GLCCI1: variants seen among roughly 807,000 people sequenced by gnomAD.
GLCCI1 encodes the protein glucocorticoid induced 1, also known as glucocorticoid-induced transcript 1 protein.
Under a neutral mutation model 52.2 loss-of-function variants are expected in GLCCI1, and 24 were observed. That is an observed-to-expected ratio of 0.46 (90% CI 0.33 to 0.65). GLCCI1 has a LOEUF of 0.65. GLCCI1 is among the 30% of genes least tolerant of loss of function. GLCCI1 has a pLI of 0.02. For missense variants in GLCCI1, 704 were observed against 701.5 expected, an observed-to-expected ratio of 1.00 and a Z score of -0.04; for synonymous variants, 310 against 276.5, an observed-to-expected ratio of 1.12 and a Z score of -1.20.
intron 2 of GLCCI1, 159 bp downstream of exon 2, chr7:8,004,218 T>A (rs1207964399): frequency 1.5e-6 from 1 of 659,380 alleles, no homozygotes; most frequent in Non-Finnish European, 2.4e-6. Context: ...TTGCAGTAAT[T>A]GTTTTTTGTC....
intron 4 of GLCCI1, among the ~76,000 whole-genome samples, chr7:8,057,497 C>T (rs1782424480): frequency 6.6e-6 from 1 of 151,982 alleles, no homozygotes; most frequent in Admixed American, 6.6e-5. Context: ...CTCAAAAAGG[C>T]AACATTATCG....
At chr7:8,012,826 CTG>C (rs953464426) in intron 2 of GLCCI1, among the ~76,000 whole-genome samples, 1 of 152,118 alleles carries the variant, frequency 6.6e-6, no homozygotes, top group African/African-American at 2.4e-5. Flanking sequence ...CATTTGTTGA[CTG>C]TACTTTTGTT....
intron 3 of GLCCI1, among the ~76,000 whole-genome samples, chr7:8,048,925 AC>A (rs1349589379): frequency 2.0e-5 from 3 of 151,962 alleles, no homozygotes; most frequent in African/African-American, 7.2e-5. Context: ...AAGCACATTT[AC>A]CCTTTGTCCC....
At chr7:7,976,349 C>T (rs1780468219) in intron 1 of GLCCI1, among the ~76,000 whole-genome samples, 1 of 151,444 alleles carries the variant, frequency 6.6e-6, no homozygotes, top group Non-Finnish European at 1.5e-5. Flanking sequence ...CATGGTGGTA[C>T]ACCTCTATAA....
intron 1 of GLCCI1, among the ~76,000 whole-genome samples, chr7:7,972,323 A>ATGTGTG (rs140431128): frequency 1.1e-4 from 17 of 149,782 alleles, no homozygotes; most frequent in African/African-American, 3.2e-4. Context: ...ACTTCAGTGT[A>ATGTGTG]TGTGTGTGTG....
chr7:8,022,670 T>C (rs902917879), intron 3 of GLCCI1, 101 bp downstream of exon 3: 9 of 549,752 alleles, frequency 1.6e-5, no homozygotes, highest in Non-Finnish European at 2.6e-5. Flanking sequence ...ATCCTAACCT[T>C]ACCTCTTTCA....
chr7:8,037,432 CAT>C (rs1245591184), intron 3 of GLCCI1, among the ~76,000 whole-genome samples: 1 of 152,138 alleles, frequency 6.6e-6, no homozygotes, highest in African/African-American at 2.4e-5. Flanking sequence ...CACTCACCAT[CAT>C]AAAAACACAT....
intron 6 of GLCCI1, among the ~76,000 whole-genome samples, chr7:8,074,144 G>A (rs1782824608): frequency 6.6e-6 from 1 of 152,122 alleles, no homozygotes; most frequent in African/African-American, 2.4e-5. Flanking sequence ...ACTGGAGAGT[G>A]GAGAAATAGA....
At chr7:8,065,525 G>A (rs1444970160) in intron 5 of GLCCI1, among the ~76,000 whole-genome samples, 7 of 152,126 alleles carry the variant, frequency 4.6e-5, no homozygotes, top group African/African-American at 1.4e-4. Flanking sequence ...TCAGTATGAC[G>A]TTGGCTGTGG....
chr7:8,028,072 G>A (rs1781660818), intron 3 of GLCCI1, among the ~76,000 whole-genome samples: 1 of 152,134 alleles, frequency 6.6e-6, no homozygotes, highest in Non-Finnish European at 1.5e-5. Context: ...AAATCAGCAA[G>A]GAAACATTGG....
chr7:8,065,655 A>G (rs754896510), intron 5 of GLCCI1, among the ~76,000 whole-genome samples: 13 of 152,184 alleles, frequency 8.5e-5, no homozygotes, highest in Non-Finnish European at 1.9e-4. Flanking sequence ...ATCTATTAAG[A>G]TAATTATGTG....
chr7:8,070,757 A>C (rs55746128), intron 5 of GLCCI1, 164 bp from the exon 6 acceptor site: 25,836 of 607,814 alleles, frequency 0.043, 720 homozygotes, highest in Non-Finnish European at 0.057. Flanking sequence ...AATAAAGGTA[A>C]CATACGCAGA....
chr7:7,969,325 C>G lies in GLCCI1; in HGVS notation c.-26C>G. 1 of 1,427,046 alleles carries G rather than the reference C, an allele frequency of 7.0e-7. No individual in the cohort carries two copies. The highest frequency in any genetic ancestry group is 9.2e-7 in the Non-Finnish European group (1 of 1,086,940). The allele number at this position is 1,427,046 out of a possible 1,614,324, so 88.4% of individuals were successfully genotyped here. A position where few individuals can be genotyped will look rare whatever the true frequency, so the allele number is the denominator to read the frequency against. On this transcript the variant is annotated 5_prime_UTR_variant, in exon 1 of 8. Transcript: ENST00000223145. This position sits in a 1 kb window ranked among gnomAD's most constrained non-coding sequence, Gnocchi z 4.9. ...CGCCCCGCGCCTCCGTGTCGGCCGG[C>G]GGCGTCCAGGGCCCGCAGAGCCACC...
intron 1 of GLCCI1, among the ~76,000 whole-genome samples, chr7:7,983,737 A>G (rs942409521): frequency 6.6e-6 from 1 of 152,196 alleles, no homozygotes; most frequent in Non-Finnish European, 1.5e-5. Flanking sequence ...ATATCTGACA[A>G]AGGTTAAAAC....
At position 8,059,894 on chromosome 7, in the gene GLCCI1, G is replaced by A. The variant is rs529487508; in HGVS notation, c.814-202G>A. ...TATACTTACATAAAGGGATTTGAAA[G>A]GATTATTTTGACTATGTAATTTTCA... On this transcript the variant is annotated intron_variant, in intron 4 of 7. Coordinates refer to ENST00000223145, the MANE Select transcript of GLCCI1 (RefSeq NM_138426.4). Among the ~76,000 whole-genome samples, 11 of 152,154 alleles carry A rather than the reference G, an allele frequency of 7.2e-5. No individual in the cohort carries two copies. In the South Asian group the frequency reaches 2.3e-3, roughly 32 times the overall value.
At chr7:8,003,845 G>C in intron 1 of GLCCI1, 63 bp from the exon 2 acceptor site, 1 of 1,438,704 alleles carries the variant, frequency 7.0e-7, no homozygotes. Flanking sequence ...AAACTATGAA[G>C]TTAGATAACT....
At chr7:8,068,937 GT>G (rs1782693166) in intron 5 of GLCCI1, among the ~76,000 whole-genome samples, 1 of 152,230 alleles carries the variant, frequency 6.6e-6, no homozygotes. Context: ...TCTGATTGAA[GT>G]TTGATGCCTC....
chr7:8,012,342 A>ATACT (rs1265760253), intron 2 of GLCCI1, among the ~76,000 whole-genome samples: 6 of 150,034 alleles, frequency 4.0e-5, no homozygotes, highest in African/African-American at 1.5e-4. Context: ...GTTGAGTTTT[A>ATACT]GGAGTTCTTT....
At chr7:7,983,400 C>G (rs1332175754) in intron 1 of GLCCI1, among the ~76,000 whole-genome samples, 1 of 151,684 alleles carries the variant, frequency 6.6e-6, no homozygotes, top group Non-Finnish European at 1.5e-5. Context: ...ATTATTTGAC[C>G]CACTGTATTA....
Sources: allele counts gnomAD v4.1 joint callset (sites outside exome capture counted in the v4.1 genomes callset), GRCh38; gene constraint gnomAD v4.1.1; non-coding constraint Gnocchi (gnomAD v3.1); transcripts MANE v1.5; gene names NCBI Gene and HGNC (gene_info 2026-07-23, HGNC 2026-07-21).